CSMD3: variants seen among roughly 807,000 people sequenced by gnomAD.
CSMD3 encodes CUB and sushi domain-containing protein 3.
In CSMD3, 177 loss-of-function variants were observed where a neutral mutation model predicts 435.2. That is an observed-to-expected ratio of 0.41 (90% CI 0.36 to 0.46). The LOEUF is 0.46. Ranked by LOEUF, CSMD3 falls within the 20% of genes least tolerant of loss-of-function variation. CSMD3 has a pLI of 0.34. For missense variants in CSMD3, 4,265 were observed against 4,504.6 expected (o/e 0.95, Z 1.52); for synonymous variants, 1,656 against 1,520.5 (o/e 1.09, Z -2.07).
At chr8:113,311,980 A>G (rs1254261041) in intron 2 of CSMD3, 1 of 152,144 alleles carries the variant, frequency 6.6e-6, no homozygotes, top group African/African-American at 2.4e-5. Context: ...CTTTCGGTTT[A>G]TATTTGTATA....
intron 16 of CSMD3, 104 bp from the exon 17 acceptor site, chr8:112,666,519 T>C: frequency 1.1e-6 from 1 of 931,756 alleles, no homozygotes; most frequent in East Asian, 2.6e-5. Context: ...CATATCCTTA[T>C]TAAATAGTTA....
At chr8:112,887,959 T>C (rs1216606967) in intron 10 of CSMD3, among the ~76,000 whole-genome samples, 1 of 151,726 alleles carries the variant, frequency 6.6e-6, no homozygotes. Flanking sequence ...TATTACTTCC[T>C]GCAATAAACC....
chr8:112,413,658 G>C (rs192448855), intron 32 of CSMD3, among the ~76,000 whole-genome samples: 1 of 152,320 alleles, frequency 6.6e-6, no homozygotes, highest in Admixed American at 6.5e-5. Flanking sequence ...AAATGGGTTA[G>C]TGCTCACAGG....
chr8:112,312,469 T>C (rs1822077782), intron 49 of CSMD3, among the ~76,000 whole-genome samples: 1 of 152,134 alleles, frequency 6.6e-6, no homozygotes, highest in Non-Finnish European at 1.5e-5. Flanking sequence ...TTGGCTAGGC[T>C]GGTCTCGAAC....
intron 36 of CSMD3, among the ~76,000 whole-genome samples, chr8:112,386,695 C>A (rs1045242984): frequency 6.6e-6 from 1 of 152,032 alleles, no homozygotes; most frequent in Non-Finnish European, 1.5e-5. Context: ...GACGGGGTTT[C>A]ACTATGTTAG....
intron 32 of CSMD3, among the ~76,000 whole-genome samples, chr8:112,464,453 G>C (rs1817757004): frequency 6.6e-6 from 1 of 151,822 alleles, no homozygotes; most frequent in Non-Finnish European, 1.5e-5. Flanking sequence ...GAGATACTTT[G>C]GAGGAAGAAA....
chr8:112,362,851 A>T lies in CSMD3; in HGVS notation c.6137-10317T>A, dbSNP rs143954656. ...GTTGTGTATGGTGTTCTGACACAGA[A>T]AGTAACATATTAAACGAATGGAGTT... On this transcript the variant is annotated intron_variant, in intron 38 of 70. Coordinates refer to ENST00000297405, the MANE Select transcript of CSMD3 (RefSeq NM_198123.2). Among the ~76,000 whole-genome samples the T allele has an allele frequency of 3.3e-5, 5 of 152,118 alleles. No homozygotes were observed. In the East Asian group the frequency reaches 9.6e-4, roughly 29 times the overall value.
intron 35 of CSMD3, among the ~76,000 whole-genome samples, chr8:112,395,926 T>C (rs1389249546): frequency 6.6e-6 from 1 of 152,328 alleles, no homozygotes. Flanking sequence ...TTTATTGTAA[T>C]TAAGAAAGGC....
chr8:113,180,281 A>AT (rs1036403828), intron 3 of CSMD3, among the ~76,000 whole-genome samples: 34 of 152,092 alleles, frequency 2.2e-4, no homozygotes, highest in African/African-American at 8.2e-4. Flanking sequence ...CATTTTCCAA[A>AT]TTTTTTAGTG....
intron 9 of CSMD3, among the ~76,000 whole-genome samples, chr8:112,934,507 A>T (rs1397502808): frequency 6.6e-6 from 1 of 152,134 alleles, no homozygotes; most frequent in African/African-American, 2.4e-5. Flanking sequence ...TATTCCTTTC[A>T]ATGACATTGA....
At chr8:113,371,709 T>C (rs2094346993) in intron 1 of CSMD3, among the ~76,000 whole-genome samples, 1 of 152,014 alleles carries the variant, frequency 6.6e-6, no homozygotes, top group Non-Finnish European at 1.5e-5. Context: ...ACAGACTGTG[T>C]CTTTAAGCAG....
At chr8:113,122,030 T>C (rs1252700230) in intron 4 of CSMD3, among the ~76,000 whole-genome samples, 1 of 152,068 alleles carries the variant, frequency 6.6e-6, no homozygotes, top group Non-Finnish European at 1.5e-5. Context: ...TTTTCCTTCT[T>C]AGGTCCACAT....
intron 1 of CSMD3, among the ~76,000 whole-genome samples, chr8:113,323,435 A>T (rs993271205): frequency 6.6e-6 from 1 of 152,196 alleles, no homozygotes; most frequent in Non-Finnish European, 1.5e-5. Context: ...ACTCCTCAAT[A>T]TATTTGCAGC....
At chr8:112,850,299 C>T (rs1220504862) in intron 11 of CSMD3, among the ~76,000 whole-genome samples, 2 of 151,976 alleles carry the variant, frequency 1.3e-5, no homozygotes, top group Non-Finnish European at 2.9e-5. Flanking sequence ...GAAAAACATG[C>T]TTATTAAAAA....
At chr8:113,301,175 G>A (rs1045793328) in intron 2 of CSMD3, among the ~76,000 whole-genome samples, 1 of 151,972 alleles carries the variant, frequency 6.6e-6, no homozygotes, top group Admixed American at 6.6e-5. Context: ...AGCAAGGAGA[G>A]GATGGGATAC....
intron 60 of CSMD3, among the ~76,000 whole-genome samples, chr8:112,264,428 G>C (rs7820087): frequency 0.011 from 1,739 of 152,176 alleles, 41 homozygotes; most frequent in African/African-American, 0.04. Context: ...ATAAGATAGA[G>C]ATGAAAGGAT....
intron 33 of CSMD3, among the ~76,000 whole-genome samples, chr8:112,408,661 T>C (rs919396135): frequency 6.6e-6 from 1 of 152,012 alleles, no homozygotes; most frequent in Non-Finnish European, 1.5e-5. Context: ...TTAAATATTT[T>C]ATATTACATT....
chr8:112,600,272 T>C (rs1320730479), intron 22 of CSMD3, among the ~76,000 whole-genome samples: 1 of 152,188 alleles, frequency 6.6e-6, no homozygotes, highest in Non-Finnish European at 1.5e-5. Context: ...TACAGTAGTT[T>C]TCAAATAAAT....
chr8:112,232,571 T>C (rs1196940963), intron 68 of CSMD3, among the ~76,000 whole-genome samples: 2 of 152,128 alleles, frequency 1.3e-5, no homozygotes, highest in African/African-American at 4.8e-5. Flanking sequence ...ATCATGCCAC[T>C]GCACTCCAGC....
Sources: gnomAD v4.1 joint callset for allele counts (sites outside exome capture counted in the v4.1 genomes callset) on GRCh38, gnomAD v4.1.1 for gene constraint, MANE v1.5 for transcripts, NCBI Gene and HGNC (gene_info 2026-07-23, HGNC 2026-07-21) for gene names.